Variants in SP1 observed in about 807,000 individuals in gnomAD.
SP1 encodes Sp1 transcription factor.
A neutral mutation model predicts 66.3 loss-of-function variants in SP1; 6 were observed. The ratio of observed to expected loss-of-function variants is 0.09; its 90% CI spans 0.05 to 0.18. The LOEUF is 0.18. Ranked by LOEUF, SP1 falls within the 10% of genes least tolerant of loss-of-function variation. SP1 has a pLI of 1.00. For missense variants in SP1, 848 were observed against 964.5 expected (o/e 0.88, Z 1.60); for synonymous variants, 417 against 360.8 (o/e 1.16, Z -1.77).
At chr12:53,380,550 C>CCACG in intron 1 of SP1, 4 of 694,446 alleles carry the variant, frequency 5.8e-6, no homozygotes, top group Non-Finnish European at 7.5e-6. Context: ...CCCGCCCCGG[C>CCACG]CACGGGGGAC....
chr12:53,405,954 A>G (rs1938724878), intron 3 of SP1, among the ~76,000 whole-genome samples: 1 of 151,340 alleles, frequency 6.6e-6, no homozygotes, highest in Non-Finnish European at 1.5e-5. Flanking sequence ...TACATATGTA[A>G]CCTACACGTT....
At chr12:53,383,674 C>T (rs1202861570) in intron 3 of SP1, 52 bp downstream of exon 3, 4 of 1,448,484 alleles carry the variant, frequency 2.8e-6, no homozygotes, top group South Asian at 1.3e-5. Context: ...AGCATCGTAG[C>T]TGAAACTTGA....
intron 3 of SP1, among the ~76,000 whole-genome samples, chr12:53,386,462 GTC>G (rs909733229): frequency 3.4e-5 from 5 of 148,436 alleles, no homozygotes; most frequent in African/African-American, 9.9e-5. Context: ...ACAGATGTAA[GTC>G]TATGTAGACT....
chr12:53,381,752 C>G lies in SP1; in HGVS notation c.101C>G (p.Ala34Gly), dbSNP rs1226728170. 1.2e-6 allele frequency: 2 copies of G among 1,613,956 alleles called. No individual in the cohort carries two copies. Among genetic ancestry groups the G allele is most frequent in the Non-Finnish European group, 1.7e-6 (2 of 1,179,990 alleles). Residue 34 changes from alanine (A) to glycine (G), a missense_variant, in exon 2 of 6, where the codon GCC (alanine) becomes GGC (glycine). By Grantham distance (60) the Ala-to-Gly change is moderately conservative. This residue lies in a region of SP1 where 84 missense variants were observed against 73.9 expected (regional missense o/e 1.14). Transcript: ENST00000327443. ...GGGGGCAATGGTAATGGTGGTGGTG[C>G]CTTTTCACAGGCTCGAAGTAGCAGC... ...NNGGNGNGGG[A>G]FSQARSSSTG...
Position 53,411,654 on chromosome 12 carries a change from T to TTA in SP1, c.*435_*436dup, listed in dbSNP as rs10699711. 0.27 allele frequency: 38,866 copies of TTA among 141,874 alleles called. 6,740 individuals are homozygous for TTA. Among genetic ancestry groups the TTA allele is most frequent in the African/African-American group, 0.51 (19,689 of 38,444 alleles). 8.8% of individuals were successfully genotyped at this position (141,874 alleles called of 1,614,324 possible). A position where few individuals can be genotyped will look rare whatever the true frequency, so the allele number is the denominator to read the frequency against. On this transcript the variant is annotated 3_prime_UTR_variant, in exon 6 of 6. Transcript: ENST00000327443. ...TTAACAAAAAACAGATTCTATATTA[T>TTA]TATATATATATATATATATATAAAG...
In SP1 at chr12:53,382,550, T is replaced by C. The variant is rs770617786; in HGVS notation, c.603T>C (p.Ser201=). ...GGGCCCAAGTGCAGCAGGATGGTTC[T>C]GGTCAAATACAGATCATACCAGGTG... ...ATGAQVQQDG[S]GQIQIIPGAN... Residue 201 remains serine, a synonymous_variant, in exon 3 of 6, where the codon TCT becomes TCC. Coordinates refer to ENST00000327443, the MANE Select transcript of SP1 (RefSeq NM_138473.3). The C allele has an allele frequency of 6.2e-7, 1 of 1,614,184 alleles. No individual in the cohort carries two copies. The highest frequency in any genetic ancestry group is 1.7e-5 in the Admixed American group (1 of 60,014).
Position 53,380,242 on chromosome 12 carries a change from C to G in SP1, c.-50C>G, listed in dbSNP as rs373019158. ...AGCGTCCGCGTTTTTCCCGGCCCCC[C>G]CCAACCCCCCCGGACAGGACCCCCT... On this transcript the variant is annotated 5_prime_UTR_variant, in exon 1 of 6. Transcript: ENST00000327443. 19 of 1,317,188 alleles carry G rather than the reference C, an allele frequency of 1.4e-5. No homozygotes were observed. Among genetic ancestry groups the G allele is most frequent in the South Asian group, 3.6e-5 (3 of 84,122 alleles). The allele number at this position is 1,317,188 out of a possible 1,614,324, so 81.6% of individuals were successfully genotyped here. A position where few individuals can be genotyped will look rare whatever the true frequency, so the allele number is the denominator to read the frequency against.
rs901322786 is a variant in SP1 at position 53,411,509 on chromosome 12, C to T, written c.*269C>T. ...TTTGTTTGACCCCAGTTTCTTCTTACACTTCTTACCCCAGCCTACCCTTCC... is the reference window on the plus strand; with the variant it reads ...TTTGTTTGACCCCAGTTTCTTCTTATACTTCTTACCCCAGCCTACCCTTCC... On this transcript the variant is annotated 3_prime_UTR_variant, in exon 6 of 6. Transcript: ENST00000327443. 6.7e-5 allele frequency: 24 copies of T among 357,512 alleles called. No homozygotes were observed. Among genetic ancestry groups the T allele is most frequent in the Middle Eastern group, 1.5e-3 (2 of 1,352 alleles). 22.1% of individuals were successfully genotyped at this position (357,512 alleles called of 1,614,324 possible). A position where few individuals can be genotyped will look rare whatever the true frequency, so the allele number is the denominator to read the frequency against.
intron 3 of SP1, among the ~76,000 whole-genome samples, chr12:53,404,388 A>G (rs1455720603): frequency 6.6e-6 from 1 of 151,726 alleles, no homozygotes; most frequent in African/African-American, 2.4e-5. Context: ...AACAAAATAC[A>G]AAAAGTAGCC....
Position 53,413,973 on chromosome 12 carries a change from T to G in SP1, c.*2733T>G, listed in dbSNP as rs931322666. On this transcript the variant is annotated 3_prime_UTR_variant, in exon 6 of 6. Coordinates refer to ENST00000327443, the MANE Select transcript of SP1 (RefSeq NM_138473.3). The stretch of plus-strand genomic sequence containing the variant: ...CACACCAAGGAAGCTCCAGATCCAG[T>G]ATCTTGTTTGGCCTCAAAACAGAAG... The G allele has an allele frequency of 6.6e-6, 1 of 152,188 alleles. No homozygotes were observed. Among genetic ancestry groups the G allele is most frequent in the Non-Finnish European group, 1.5e-5 (1 of 68,042 alleles). 9.4% of individuals were successfully genotyped at this position (152,188 alleles called of 1,614,324 possible).
At chr12:53,401,402 G>A (rs1938606762) in intron 3 of SP1, among the ~76,000 whole-genome samples, 1 of 142,078 alleles carries the variant, frequency 7.0e-6, no homozygotes, top group South Asian at 2.3e-4. Context: ...ATTGAGCCAA[G>A]ATCGCGCCAT....
chr12:53,414,929 T>A lies in SP1; in HGVS notation c.*3689T>A, dbSNP rs1174721345. 1 of 152,560 alleles carries A rather than the reference T, an allele frequency of 6.6e-6. No individual in the cohort carries two copies. The highest frequency in any genetic ancestry group is 1.9e-4 in the East Asian group (1 of 5,190). The allele number at this position is 152,560 out of a possible 1,614,324, so 9.5% of individuals were successfully genotyped here. A position where few individuals can be genotyped will look rare whatever the true frequency, so the allele number is the denominator to read the frequency against. Reference sequence around the variant, plus strand: ...TCAGGTACCAAGGAAATAAGGACAGTCTAGCTGCCTCAAGTGAGGGGCCCT... The same window carrying A: ...TCAGGTACCAAGGAAATAAGGACAGACTAGCTGCCTCAAGTGAGGGGCCCT... On this transcript the variant is annotated 3_prime_UTR_variant, in exon 6 of 6. Coordinates refer to ENST00000327443, the MANE Select transcript of SP1 (RefSeq NM_138473.3).
At position 53,381,641 on chromosome 12, in the gene SP1, G is replaced by T. The variant is rs749028706; in HGVS notation, c.8-18G>T. On this transcript the variant is annotated intron_variant, in intron 1 of 5. Transcript: ENST00000327443. ...TTCTTCCCTCAAGTTTACGTTGTTT[G>T]TTTTTTAATTATTTTAGACCAAGAT... 6.3e-7 allele frequency: 1 copy of T among 1,588,906 alleles called. No homozygotes were observed. Among genetic ancestry groups the T allele is most frequent in the South Asian group, 1.1e-5 (1 of 88,064 alleles).
intron 3 of SP1, among the ~76,000 whole-genome samples, chr12:53,399,877 C>T (rs577853807): frequency 9.9e-5 from 15 of 151,814 alleles, no homozygotes; most frequent in Admixed American, 3.9e-4. Context: ...GTCATCCGCC[C>T]GCCTCGGCCT....
intron 3 of SP1, among the ~76,000 whole-genome samples, chr12:53,396,333 G>A (rs1938488215): frequency 1.3e-5 from 2 of 151,404 alleles, no homozygotes; most frequent in South Asian, 4.2e-4. Flanking sequence ...ACTTTGGGAG[G>A]CCGAGACGGG....
intron 4 of SP1, among the ~76,000 whole-genome samples, chr12:53,407,441 C>A (rs1474251303): frequency 6.6e-6 from 1 of 150,986 alleles, no homozygotes; most frequent in African/African-American, 2.4e-5. Context: ...AATTCTGCCT[C>A]AGTCTCCCGA....
chr12:53,410,016 A>G (rs1342835822), intron 5 of SP1, among the ~76,000 whole-genome samples: 1 of 147,838 alleles, frequency 6.8e-6, no homozygotes, highest in Admixed American at 6.7e-5. Context: ...TCTCAAAAAA[A>G]AAGGAAGGAG....
chr12:53,400,622 C>G (rs1565814590), intron 3 of SP1, among the ~76,000 whole-genome samples: 1 of 152,018 alleles, frequency 6.6e-6, no homozygotes, highest in Non-Finnish European at 1.5e-5. Flanking sequence ...GAGACAGAGC[C>G]TTGCTCCGTC....
At chr12:53,399,821 G>A (rs572576745) in intron 3 of SP1, among the ~76,000 whole-genome samples, 50 of 150,882 alleles carry the variant, frequency 3.3e-4, no homozygotes, top group African/African-American at 1.2e-3. Context: ...AGTAGAGACG[G>A]GGTTTTTCCG....
Sources: gnomAD v4.1 joint callset for allele counts (sites outside exome capture counted in the v4.1 genomes callset) on GRCh38, gnomAD v4.1.1 for gene constraint, gnomAD v4.1.1 regional missense constraint, MANE v1.5 for transcripts, NCBI Gene and HGNC (gene_info 2026-07-23, HGNC 2026-07-21) for gene names.